The following NEGR1 variants were observed in gnomAD, a reference collection of about 807,000 sequenced individuals.
NEGR1 encodes the protein neuronal growth regulator 1.
In NEGR1, 10 loss-of-function variants were observed where a neutral mutation model predicts 40.9. The ratio of observed to expected loss-of-function variants is 0.24; its 90% CI spans 0.15 to 0.42. The LOEUF (loss-of-function observed/expected upper bound fraction) is 0.42. Among genes scored for constraint, NEGR1 ranks in the 10% least tolerant of loss-of-function variants. The pLI, the probability that NEGR1 is intolerant of heterozygous loss-of-function variation, is 1.00. For missense variants in NEGR1, 352 were observed against 438.9 expected, an observed-to-expected ratio of 0.80 and a Z score of 1.77; for synonymous variants, 185 against 166.8, an observed-to-expected ratio of 1.11 and a Z score of -0.84.
rs767198961 is a variant in NEGR1, at chr1:71,611,098, C to T, written c.716G>A (p.Arg239His). 20 of 1,613,644 alleles carry T rather than the reference C, an allele frequency of 1.2e-5. No homozygotes were observed. The highest frequency in any genetic ancestry group is 2.2e-5 in the East Asian group (1 of 44,882). The change falls in exon 5 of 7, where the codon CGC becomes CAC. Residue 239 changes from arginine to histidine, a missense_variant. By Grantham distance (29) the Arg-to-His change is conservative. This residue lies in a region of NEGR1 where 184 missense variants were observed against 208.7 expected (regional missense o/e 0.88). Coordinates refer to ENST00000357731, the MANE Select transcript of NEGR1 (RefSeq NM_173808.3). ...EIKSGTVTPG[R>H]SGLIRCEGAG... ...ACCTTCACATCTTATCAGGCCACTG[C>T]GTCCGGGGGTCACGGTGCCAGATTT...
chr1:71,879,465 G>T (rs1368512609), intron 2 of NEGR1, among the ~76,000 whole-genome samples: 1 of 152,112 alleles, frequency 6.6e-6, no homozygotes, highest in Non-Finnish European at 1.5e-5. Context: ...TTACTTTTAG[G>T]GAGGCAAATC....
intron 3 of NEGR1, among the ~76,000 whole-genome samples, chr1:71,707,179 G>A (rs1156525660): frequency 6.6e-6 from 1 of 152,076 alleles, no homozygotes; most frequent in Non-Finnish European, 1.5e-5. Flanking sequence ...ACAGGGGTTG[G>A]AGCACCAAGT....
intron 2 of NEGR1, among the ~76,000 whole-genome samples, chr1:71,778,713 T>C (rs1395179826): frequency 2.0e-5 from 3 of 152,190 alleles, no homozygotes; most frequent in Admixed American, 1.3e-4. Flanking sequence ...TAGACAGAGA[T>C]ATGTATATGA....
chr1:71,639,595 A>G (rs1431584910), intron 4 of NEGR1, among the ~76,000 whole-genome samples: 3 of 152,076 alleles, frequency 2.0e-5, no homozygotes, highest in Non-Finnish European at 4.4e-5. Flanking sequence ...GTCCTTGGAC[A>G]CCAGTATATT....
intron 4 of NEGR1, among the ~76,000 whole-genome samples, chr1:71,631,840 A>G (rs1570128909): frequency 6.6e-6 from 1 of 151,940 alleles, no homozygotes; most frequent in East Asian, 1.9e-4. Context: ...AATTAACAAG[A>G]AAGATTTTTT....
chr1:71,576,025 C>T (rs1648955700), intron 6 of NEGR1, among the ~76,000 whole-genome samples: 1 of 152,138 alleles, frequency 6.6e-6, no homozygotes, highest in African/African-American at 2.4e-5. Flanking sequence ...TGCTCAGCCC[C>T]AGTGCTTTCT....
chr1:71,417,314 G>A (rs1292295476), intron 6 of NEGR1, among the ~76,000 whole-genome samples: 1 of 152,098 alleles, frequency 6.6e-6, no homozygotes, highest in African/African-American at 2.4e-5. Flanking sequence ...GAGAATGGAA[G>A]TATAGATACA....
intron 1 of NEGR1, among the ~76,000 whole-genome samples, chr1:72,002,067 T>C (rs932706170): frequency 6.6e-6 from 1 of 152,242 alleles, no homozygotes; most frequent in South Asian, 2.1e-4. Flanking sequence ...TTCTTTTTGC[T>C]ACTACTTCTC....
chr1:72,157,270 C>T (rs1424993542), intron 1 of NEGR1, among the ~76,000 whole-genome samples: 1 of 152,022 alleles, frequency 6.6e-6, no homozygotes. Context: ...CATGTCCAGC[C>T]CTGTTTGTTT....
chr1:71,959,385 T>A (rs1646144940), intron 1 of NEGR1, among the ~76,000 whole-genome samples: 2 of 152,184 alleles, frequency 1.3e-5, no homozygotes, highest in African/African-American at 4.8e-5. Context: ...ATTTCCTTGT[T>A]TTTTCTGGTA....
chr1:72,242,875 T>C (rs1438631732), intron 1 of NEGR1, among the ~76,000 whole-genome samples: 1 of 151,630 alleles, frequency 6.6e-6, no homozygotes, highest in Non-Finnish European at 1.5e-5. Flanking sequence ...CACTATAGCA[T>C]AGTGTTATAG....
intron 6 of NEGR1, among the ~76,000 whole-genome samples, chr1:71,589,563 A>T (rs1374546336): frequency 6.6e-6 from 1 of 152,070 alleles, no homozygotes; most frequent in African/African-American, 2.4e-5. Context: ...AAAATCTAAA[A>T]ACCTTAATTC....
At chr1:71,672,604 C>T (rs996346568) in intron 4 of NEGR1, among the ~76,000 whole-genome samples, 13 of 151,992 alleles carry the variant, frequency 8.6e-5, no homozygotes, top group Non-Finnish European at 1.9e-4. Flanking sequence ...TCTCAAAGTC[C>T]TTAAAATGGG....
At chr1:71,466,886 G>T (rs970370169) in intron 6 of NEGR1, among the ~76,000 whole-genome samples, 1 of 152,106 alleles carries the variant, frequency 6.6e-6, no homozygotes, top group Non-Finnish European at 1.5e-5. Context: ...ATCCAGCTCT[G>T]CAGAGTGGTC....
At chr1:72,195,773 C>T (rs1652980396) in intron 1 of NEGR1, among the ~76,000 whole-genome samples, 1 of 151,974 alleles carries the variant, frequency 6.6e-6, no homozygotes, top group East Asian at 1.9e-4. Context: ...TTTATATACA[C>T]CTTGTAAGAT....
chr1:72,164,016 AT>A (rs56300595), intron 1 of NEGR1, among the ~76,000 whole-genome samples: 31,802 of 148,132 alleles, frequency 0.21, 3,743 homozygotes, highest in South Asian at 0.29. Context: ...TCAGACAAGT[AT>A]TTTTTTTTTT....
intron 1 of NEGR1, among the ~76,000 whole-genome samples, chr1:72,023,023 T>C (rs1646774661): frequency 6.6e-6 from 1 of 152,186 alleles, no homozygotes. Context: ...TTTCAGTGAA[T>C]TGAAATGCCA....
chr1:72,089,134 T>C (rs1648351894), intron 1 of NEGR1, among the ~76,000 whole-genome samples: 1 of 152,142 alleles, frequency 6.6e-6, no homozygotes, highest in Non-Finnish European at 1.5e-5. Context: ...AACAAGCTCT[T>C]AGAGGATGCT....
intron 6 of NEGR1, among the ~76,000 whole-genome samples, chr1:71,539,502 GT>G (rs1647620430): frequency 6.6e-6 from 1 of 151,834 alleles, no homozygotes; most frequent in Middle Eastern, 3.4e-3. Context: ...TGTAGAGGAA[GT>G]TTTTTGTCCC....
Sources: gnomAD v4.1 joint callset for allele counts (sites outside exome capture counted in the v4.1 genomes callset) on GRCh38, gnomAD v4.1.1 for gene constraint, gnomAD v4.1.1 regional missense constraint, MANE v1.5 for transcripts, NCBI Gene and HGNC (gene_info 2026-07-23, HGNC 2026-07-21) for gene names.